ASAP2: variants seen among roughly 807,000 people sequenced by gnomAD.
The protein encoded by ASAP2 is arf-GAP with SH3 domain, ANK repeat and PH domain-containing protein 2.
In ASAP2, 45 loss-of-function variants were observed where a neutral mutation model predicts 131.4. The observed-to-expected ratio is 0.34, with a 90% CI of 0.27 to 0.44. ASAP2 has a LOEUF of 0.44. Ranked by LOEUF, ASAP2 falls within the 20% of genes least tolerant of loss-of-function variation. ASAP2 has a pLI of 1.00. For synonymous variants in ASAP2, 510 were observed against 503.0 expected, an observed-to-expected ratio of 1.01 and a Z score of -0.19; for missense variants, 1,011 against 1,297.0, an observed-to-expected ratio of 0.78 and a Z score of 3.39.
chr2:9,323,921 G>A (rs944721002), intron 6 of ASAP2, among the ~76,000 whole-genome samples: 1 of 152,152 alleles, frequency 6.6e-6, no homozygotes, highest in African/African-American at 2.4e-5. Context: ...TTATTTTTGT[G>A]CCTTGCTTGC....
intron 2 of ASAP2, among the ~76,000 whole-genome samples, chr2:9,288,046 G>A (rs1426935972): frequency 6.6e-6 from 1 of 152,166 alleles, no homozygotes; most frequent in African/African-American, 2.4e-5. Flanking sequence ...AGTTTCATCA[G>A]TGGTTCTTTA....
rs1217340974 is a variant in ASAP2, at chr2:9,318,402, C to T, written c.346-122C>T. On this transcript the variant is annotated intron_variant, in intron 3 of 27. Transcript: ENST00000281419. ...ATGACTGAATAAGGCACAGTACATG[C>T]ACCGGCCAGGTTTTAGGTGGAGGTG... 5.6e-6 allele frequency: 4 copies of T among 709,864 alleles called. 1 individual carries two copies. The highest frequency in any genetic ancestry group is 1.0e-5 in the Non-Finnish European group (4 of 398,430). The allele number at this position is 709,864 out of a possible 1,614,324, so 44.0% of individuals were successfully genotyped here.
chr2:9,288,515 C>A (rs993332341), intron 2 of ASAP2, among the ~76,000 whole-genome samples: 1 of 151,970 alleles, frequency 6.6e-6, no homozygotes, highest in Non-Finnish European at 1.5e-5. Context: ...CTGTGGTGAG[C>A]GTGGGGTCAT....
intron 1 of ASAP2, among the ~76,000 whole-genome samples, chr2:9,277,051 A>G (rs930679792): frequency 3.3e-5 from 5 of 152,268 alleles, no homozygotes; most frequent in African/African-American, 4.8e-5. Context: ...GCCAATGGCA[A>G]AGCCTGGAGC....
At chr2:9,287,651 G>A (rs1482906163) in intron 2 of ASAP2, among the ~76,000 whole-genome samples, 1 of 152,228 alleles carries the variant, frequency 6.6e-6, no homozygotes, top group Non-Finnish European at 1.5e-5. Flanking sequence ...CGAGCTGGTG[G>A]TTGGAAGGTT....
chr2:9,282,350 G>A (rs1397888259), intron 2 of ASAP2, among the ~76,000 whole-genome samples: 1 of 152,200 alleles, frequency 6.6e-6, no homozygotes, highest in Non-Finnish European at 1.5e-5. Context: ...GTTGTCTACT[G>A]CAAAGAAGTC....
intron 3 of ASAP2, among the ~76,000 whole-genome samples, chr2:9,312,372 G>A (rs1206724745): frequency 2.0e-5 from 3 of 152,258 alleles, no homozygotes; most frequent in Non-Finnish European, 4.4e-5. Flanking sequence ...TCCAGCTGCT[G>A]CCTTCTGCTG....
At chr2:9,363,353 C>T (rs1287958880) in intron 15 of ASAP2, among the ~76,000 whole-genome samples, 17 of 152,134 alleles carry the variant, frequency 1.1e-4, no homozygotes, top group Admixed American at 1.1e-3. Context: ...CGAGGAACCT[C>T]CATAACCATT....
chr2:9,253,015 A>C (rs1664834628), intron 1 of ASAP2, among the ~76,000 whole-genome samples: 1 of 152,088 alleles, frequency 6.6e-6, no homozygotes, highest in Admixed American at 6.5e-5. Flanking sequence ...TGTTCACTGC[A>C]GCCCTCAAAA....
chr2:9,341,176 G>A (rs1325461080), intron 9 of ASAP2, among the ~76,000 whole-genome samples: 1 of 152,106 alleles, frequency 6.6e-6, no homozygotes, highest in Non-Finnish European at 1.5e-5. Flanking sequence ...TATTCTAAAA[G>A]TCAGAACCTT....
At chr2:9,267,727 G>A (rs189096189) in intron 1 of ASAP2, among the ~76,000 whole-genome samples, 1 of 151,850 alleles carries the variant, frequency 6.6e-6, no homozygotes, top group Admixed American at 6.6e-5. Context: ...TGAAACCCCC[G>A]TCTCTACTAA....
chr2:9,309,220 C>T (rs915785824), intron 3 of ASAP2, among the ~76,000 whole-genome samples: 1 of 152,196 alleles, frequency 6.6e-6, no homozygotes, highest in Non-Finnish European at 1.5e-5. Flanking sequence ...CTGGAAACAA[C>T]TCAAATGTCC....
At chr2:9,270,811 G>A (rs1294277896) in intron 1 of ASAP2, among the ~76,000 whole-genome samples, 1 of 21,624 alleles carries the variant, frequency 4.6e-5, no homozygotes, top group African/African-American at 2.2e-4. Context: ...TTTTTTTTTT[G>A]AGACGGAGTC....
In ASAP2 at chr2:9,362,862, A is replaced by G. The variant is rs571096160; in HGVS notation, c.1461+3973A>G. Among the ~76,000 whole-genome samples the G allele has an allele frequency of 4.6e-5, 7 of 152,302 alleles. No individual in the cohort carries two copies. In the East Asian group the frequency reaches 1.3e-3, roughly 29 times the overall value. On this transcript the variant is annotated intron_variant, in intron 15 of 27. Coordinates refer to ENST00000281419, the MANE Select transcript of ASAP2 (RefSeq NM_003887.3). The stretch of plus-strand genomic sequence containing the variant: ...GTCTCAAAACAAAATTTTTAAGTAT[A>G]CAGTACGTTATTATTAAGTAGAGTC...
At chr2:9,333,630 C>T (rs1022724921) in intron 7 of ASAP2, among the ~76,000 whole-genome samples, 3 of 152,042 alleles carry the variant, frequency 2.0e-5, no homozygotes, top group African/African-American at 7.3e-5. Context: ...GAGAAAAGGC[C>T]GGTATGTCTG....
At chr2:9,330,874 T>TA (rs1392223455) in intron 7 of ASAP2, among the ~76,000 whole-genome samples, 2 of 152,218 alleles carry the variant, frequency 1.3e-5, no homozygotes, top group African/African-American at 4.8e-5. Context: ...CAGTAACCTT[T>TA]AAAAATATGA....
intron 1 of ASAP2, among the ~76,000 whole-genome samples, chr2:9,249,449 T>A (rs531563156): frequency 6.6e-5 from 10 of 152,336 alleles, no homozygotes; most frequent in African/African-American, 2.4e-4. Flanking sequence ...GGGCTTGTTC[T>A]TTGCTCTGAT....
chr2:9,401,167 C>G (rs1676631251), intron 26 of ASAP2, 107 bp from the exon 27 acceptor site: 1 of 1,426,674 alleles, frequency 7.0e-7, no homozygotes, highest in Non-Finnish European at 9.7e-7. Context: ...GCTTCTCAGG[C>G]CTAGGTACGG....
At chr2:9,334,172 G>A (rs561756162) in intron 7 of ASAP2, among the ~76,000 whole-genome samples, 5 of 146,668 alleles carry the variant, frequency 3.4e-5, no homozygotes, top group Admixed American at 2.1e-4. Flanking sequence ...TCAGCCTCCC[G>A]AGTAGTAGCT....
Sources: allele counts gnomAD v4.1 joint callset (sites outside exome capture counted in the v4.1 genomes callset), GRCh38; gene constraint gnomAD v4.1.1; transcripts MANE v1.5; gene names NCBI Gene and HGNC (gene_info 2026-07-23, HGNC 2026-07-21).